The following STAG2 variants were observed in gnomAD, a reference collection of about 807,000 sequenced individuals.
The protein encoded by STAG2 is STAG2 cohesin complex component.
STAG2 carries 14 observed loss-of-function variants against 108.1 expected under a neutral mutation model. The observed-to-expected ratio is 0.13, with a 90% confidence interval of 0.09 to 0.20. The LOEUF is 0.20. Ranked by LOEUF, STAG2 falls within the 10% of genes least tolerant of loss-of-function variation. The pLI is 1.00. For missense variants in STAG2, 440 were observed against 940.9 expected (o/e 0.47, Z 6.96); for synonymous variants, 307 against 302.7 (o/e 1.01, Z -0.15).
intron 1 of STAG2, among the ~76,000 whole-genome samples, chrX:123,979,625 G>A (rs915604626): frequency 5.4e-5 from 6 of 111,421 alleles, no homozygotes; most frequent in Admixed American, 9.6e-5. Context: ...GTTTTTAGAG[G>A]CCTATTCTCA....
chrX:124,057,950 A>C lies in STAG2; in HGVS notation c.1389A>C (p.Thr463=). The C allele has an allele frequency of 8.4e-7, 1 of 1,189,834 alleles. No individual in the cohort carries two copies. Residue 463 remains threonine (T), a synonymous_variant, in exon 15 of 35, where the codon ACA becomes ACC. Coordinates refer to ENST00000371145, the MANE Select transcript of STAG2 (RefSeq NM_001042750.2). The part of the protein sequence containing the change: ...RQGPNANLVK[T]LVFFFLESEL... ...GTCCAAATGCCAACCTTGTTAAGACATTGGTTTTTTTCTTTCTAGAAAGTG... is the reference window on the plus strand; with the variant it reads ...GTCCAAATGCCAACCTTGTTAAGACCTTGGTTTTTTTCTTTCTAGAAAGTG...
chrX:123,971,683 C>T (rs2054358683), intron 1 of STAG2, among the ~76,000 whole-genome samples: 1 of 111,062 alleles, frequency 9.0e-6, no homozygotes, highest in Non-Finnish European at 1.9e-5. Context: ...CTGAGGGCCA[C>T]CTAAGTTAAA....
intron 26 of STAG2, among the ~76,000 whole-genome samples, 176 bp downstream of exon 26, chrX:124,076,647 T>G (rs1451665399): frequency 9.0e-6 from 1 of 111,450 alleles, no homozygotes; most frequent in Non-Finnish European, 1.9e-5. Flanking sequence ...TAATGGACAT[T>G]TTGGGTTTAT....
chrX:124,062,873 T>G lies in STAG2; in HGVS notation c.1639-29T>G, dbSNP rs767683600. ...CACTTAACAGTGCTAATGGGCTTAA[T>G]AAATACAGAAGTCTTTCTGTTCCTT... On this transcript the variant is annotated intron_variant, in intron 17 of 34. Transcript: ENST00000371145. 3.1e-5 allele frequency: 35 copies of G among 1,140,987 alleles called. No homozygotes were observed. In the South Asian group the frequency reaches 4.6e-4, roughly 15 times the overall value. 94.0% of individuals were successfully genotyped at this position (1,140,987 alleles called of 1,213,427 possible).
chrX:124,045,815 TC>T (rs2057859121), intron 8 of STAG2, among the ~76,000 whole-genome samples: 1 of 111,196 alleles, frequency 9.0e-6, no homozygotes, highest in South Asian at 3.8e-4. Flanking sequence ...TTTGGAGATA[TC>T]ATCACAGTCA....
At chrX:124,036,694 GT>G (rs1273620625) in intron 5 of STAG2, among the ~76,000 whole-genome samples, 1 of 110,532 alleles carries the variant, frequency 9.0e-6, no homozygotes, top group Non-Finnish European at 1.9e-5. Flanking sequence ...TTGAAAATCA[GT>G]TTTGTCGTTG....
chrX:124,010,094 G>A lies in STAG2; in HGVS notation c.-162-11273G>A, dbSNP rs189589793. Reference sequence around the variant, plus strand: ...AATCCTGTGAGTTTATACCATATGAGAGAAGCTTGCTTGATAAAAGAGGTT... The same window carrying A: ...AATCCTGTGAGTTTATACCATATGAAAGAAGCTTGCTTGATAAAAGAGGTT... On this transcript the variant is annotated intron_variant, in intron 1 of 34. Coordinates refer to ENST00000371145, the MANE Select transcript of STAG2 (RefSeq NM_001042750.2). Among the ~76,000 whole-genome samples the A allele has an allele frequency of 3.9e-3, 430 of 111,599 alleles. 1 individual carries two copies. The highest frequency in any genetic ancestry group is 0.013 in the African/African-American group (399 of 30,747).
In STAG2 at chrX:124,099,367, A is replaced by G. The variant is rs573881846; in HGVS notation, c.3784-1207A>G. Among the ~76,000 whole-genome samples, 22 of 111,446 alleles carry G rather than the reference A, an allele frequency of 2.0e-4. 1 individual carries two copies. Among genetic ancestry groups the G allele is most frequent in the Middle Eastern group, 9.2e-3 (2 of 217 alleles). Reference sequence around the variant, plus strand: ...TGTTATGGTAAGAATTGGCCTTTAAACATTATCTCGGTCTTTTTGGTGGAA... The same window carrying G: ...TGTTATGGTAAGAATTGGCCTTTAAGCATTATCTCGGTCTTTTTGGTGGAA... On this transcript the variant is annotated intron_variant, in intron 34 of 34. Transcript: ENST00000371145.
At chrX:124,002,617 G>A (rs907479777) in intron 1 of STAG2, among the ~76,000 whole-genome samples, 21 of 110,188 alleles carry the variant, frequency 1.9e-4, no homozygotes, top group Non-Finnish European at 3.6e-4. Context: ...CCAGTTCTGC[G>A]TCAGCCATAC....
At chrX:124,080,296 A>G (rs1393460721) in intron 27 of STAG2, among the ~76,000 whole-genome samples, 1 of 111,178 alleles carries the variant, frequency 9.0e-6, no homozygotes, top group African/African-American at 3.3e-5. Flanking sequence ...GTCCCTGGCA[A>G]CCACCATTCT....
intron 29 of STAG2, among the ~76,000 whole-genome samples, chrX:124,084,618 A>G (rs1272073429): frequency 1.8e-5 from 2 of 111,817 alleles, no homozygotes; most frequent in African/African-American, 6.5e-5. Context: ...GTGCCCTGCC[A>G]AGTTCTGTAT....
In STAG2 at chrX:124,077,944, A is replaced by T. The variant is rs1392293594; in HGVS notation, c.2674-13A>T. On this transcript the variant is annotated splice_polypyrimidine_tract_variant and intron_variant, in intron 26 of 34. Coordinates refer to ENST00000371145, the MANE Select transcript of STAG2 (RefSeq NM_001042750.2). ...AAGAGATAAAGCTCTAATTTGTACA[A>T]ATTTCTTTATAGTATTATAATGACT... is the stretch of plus-strand genomic sequence containing the variant. 9.4e-7 allele frequency: 1 copy of T among 1,064,726 alleles called. No individual in the cohort carries two copies. 87.7% of individuals were successfully genotyped at this position (1,064,726 alleles called of 1,213,427 possible).
intron 10 of STAG2, among the ~76,000 whole-genome samples, chrX:124,049,293 T>G (rs1038491789): frequency 9.0e-6 from 1 of 111,565 alleles, no homozygotes; most frequent in African/African-American, 3.3e-5. Context: ...ATGCTGTGCT[T>G]GACTTGCAGC....
chrX:123,967,606 C>T (rs1248573476), intron 1 of STAG2, among the ~76,000 whole-genome samples: 1 of 110,717 alleles, frequency 9.0e-6, no homozygotes, highest in Non-Finnish European at 1.9e-5. Flanking sequence ...TGCTTAACGG[C>T]GGGCATACCT....
intron 1 of STAG2, among the ~76,000 whole-genome samples, chrX:124,016,531 T>C: frequency 8.9e-6 from 1 of 112,164 alleles, no homozygotes; most frequent in Non-Finnish European, 1.9e-5. Flanking sequence ...TACATTGATG[T>C]ACTATCAGTG....
chrX:124,002,527 A>G (rs999625326), intron 1 of STAG2, among the ~76,000 whole-genome samples: 4 of 111,143 alleles, frequency 3.6e-5, no homozygotes, highest in Non-Finnish European at 7.5e-5. Context: ...TGACTGTCCA[A>G]TTTTCTTATT....
At chrX:124,095,472 C>T (rs758281290) in intron 34 of STAG2, 23 bp downstream of exon 34, 1 of 1,133,576 alleles carries the variant, frequency 8.8e-7, no homozygotes, top group Admixed American at 2.2e-5. Context: ...TAAATGTACC[C>T]TAGGATTGCA....
chrX:124,009,398 GGTAGGTA>G (rs1212218114), intron 1 of STAG2, among the ~76,000 whole-genome samples: 1 of 80,731 alleles, frequency 1.2e-5, no homozygotes, highest in Non-Finnish European at 2.4e-5. Flanking sequence ...TAACCAGGTA[GGTAGGTA>G]GGTAGGTAGG....
chrX:124,064,555 G>A (rs776042495), intron 20 of STAG2, among the ~76,000 whole-genome samples: 15 of 108,030 alleles, frequency 1.4e-4, no homozygotes, highest in Middle Eastern at 4.7e-3. Context: ...GCGATTCTCC[G>A]GCCTCAGTCT....
Sources: gnomAD v4.1 joint callset for allele counts (sites outside exome capture counted in the v4.1 genomes callset) on GRCh38, gnomAD v4.1.1 for gene constraint, MANE v1.5 for transcripts, NCBI Gene and HGNC (gene_info 2026-07-23, HGNC 2026-07-21) for gene names.